Variants in USP28 observed in about 807,000 individuals in gnomAD.
The protein encoded by USP28 is ubiquitin specific peptidase 28.
A neutral mutation model predicts 145.0 loss-of-function variants in USP28; 113 were observed. The observed-to-expected ratio is 0.78, with a 90% CI of 0.67 to 0.91. The LOEUF is 0.91. USP28 is among the 40% of genes least tolerant of loss of function. The probability of loss-of-function intolerance (pLI) is 0.00; values close to 1 mark genes in which losing one functional copy is unlikely to be tolerated. For missense variants in USP28, 1,201 were observed against 1,289.6 expected (o/e 0.93, Z 1.05); for synonymous variants, 447 against 450.9 (o/e 0.99, Z 0.11).
At chr11:113,840,411 A>C in intron 5 of USP28, among the ~76,000 whole-genome samples, 187 bp downstream of exon 5, 1 of 152,226 alleles carries the variant, frequency 6.6e-6, no homozygotes, top group East Asian at 1.9e-4. Flanking sequence ...CAACCACAGC[A>C]GATTTCTTTT....
intron 1 of USP28, among the ~76,000 whole-genome samples, chr11:113,854,729 C>T (rs536944816): frequency 6.6e-6 from 1 of 152,258 alleles, no homozygotes; most frequent in East Asian, 1.9e-4. Context: ...AAAGAACCAA[C>T]AAGCTCCAAG....
intron 13 of USP28, among the ~76,000 whole-genome samples, chr11:113,816,444 C>A (rs1490954813): frequency 6.6e-6 from 1 of 152,032 alleles, no homozygotes; most frequent in Non-Finnish European, 1.5e-5. Flanking sequence ...ACCCAGAAGG[C>A]GGAGGTTGCA....
chr11:113,812,206 A>G, intron 16 of USP28, 70 bp downstream of exon 16: 1 of 1,189,058 alleles, frequency 8.4e-7, no homozygotes, highest in South Asian at 1.3e-5. Context: ...AAAAAGCAGT[A>G]CAAGACTGTT....
intron 19 of USP28, among the ~76,000 whole-genome samples, chr11:113,805,825 T>A (rs186438805): frequency 1.3e-5 from 2 of 152,174 alleles, no homozygotes; most frequent in Non-Finnish European, 2.9e-5. Flanking sequence ...TCACAGAGAA[T>A]GTTACTGCTA....
intron 14 of USP28, 77 bp downstream of exon 14, chr11:113,815,097 T>C: frequency 1.6e-6 from 2 of 1,264,884 alleles, no homozygotes; most frequent in South Asian, 1.3e-5. Flanking sequence ...TCAGGAAGTG[T>C]ACCGAGGTGC....
intron 1 of USP28, among the ~76,000 whole-genome samples, chr11:113,861,062 T>G (rs985084339): frequency 6.7e-6 from 1 of 149,422 alleles, no homozygotes; most frequent in South Asian, 2.1e-4. Flanking sequence ...GAGGTTGCAG[T>G]GAGCCAAGAT....
At chr11:113,846,029 G>A (rs1945808477) in intron 3 of USP28, among the ~76,000 whole-genome samples, 1 of 152,136 alleles carries the variant, frequency 6.6e-6, no homozygotes, top group Non-Finnish European at 1.5e-5. Context: ...ACCTTAAAAA[G>A]CAAAGAAATT....
At chr11:113,815,081 G>T in intron 14 of USP28, 93 bp downstream of exon 14, 1 of 1,099,314 alleles carries the variant, frequency 9.1e-7, no homozygotes, top group East Asian at 2.5e-5. Flanking sequence ...AGCATGTACA[G>T]TAATGTCAGG....
chr11:113,871,916 T>C lies in USP28; in HGVS notation c.57+3529A>G, dbSNP rs527786578. ...TAGGACCAGGGGCGCCTTGGGCTCT[T>C]GGGGTCAGAACTGCCTAGATACAAT... On this transcript the variant is annotated intron_variant, in intron 1 of 24. Transcript: ENST00000003302. Among the ~76,000 whole-genome samples the C allele has an allele frequency of 5.3e-5, 8 of 152,254 alleles. No individual in the cohort carries two copies. The South Asian group carries it at 1.7e-3, about 32-fold the overall frequency.
chr11:113,862,138 G>A (rs1947759936), intron 1 of USP28, among the ~76,000 whole-genome samples: 1 of 152,148 alleles, frequency 6.6e-6, no homozygotes, highest in Admixed American at 6.5e-5. Context: ...CCTGAGGTCA[G>A]GAGTTCAAGA....
chr11:113,869,200 A>G (rs1359981163), intron 1 of USP28, among the ~76,000 whole-genome samples: 1 of 152,198 alleles, frequency 6.6e-6, no homozygotes, highest in Admixed American at 6.5e-5. Context: ...TGGGAGGCCA[A>G]GGCAGACGGA....
chr11:113,806,533 G>A (rs144851669), exon 19 of USP28: 29 of 1,607,250 alleles, frequency 1.8e-5, no homozygotes, highest in South Asian at 1.0e-4. Context: ...AAGGTCTGAC[G>A]GGCTTTAGCT....
chr11:113,864,651 C>T (rs1161610121), intron 1 of USP28, among the ~76,000 whole-genome samples: 1 of 152,182 alleles, frequency 6.6e-6, no homozygotes, highest in Non-Finnish European at 1.5e-5. Context: ...TCCTCTTACT[C>T]AGCATTTTTG....
intron 18 of USP28, chr11:113,808,109 T>C: frequency 6.7e-7 from 1 of 1,488,706 alleles, no homozygotes; most frequent in Non-Finnish European, 8.9e-7. Context: ...TCCTGGGGCA[T>C]GGGCTTCTTG....
intron 3 of USP28, among the ~76,000 whole-genome samples, chr11:113,848,488 G>A (rs1946121203): frequency 6.6e-6 from 1 of 152,208 alleles, no homozygotes; most frequent in Admixed American, 6.5e-5. Flanking sequence ...GGGTCAGGGT[G>A]TGGAGTAGAA....
chr11:113,845,706 C>T (rs1945757322), intron 3 of USP28, among the ~76,000 whole-genome samples: 1 of 152,100 alleles, frequency 6.6e-6, no homozygotes, highest in Admixed American at 6.5e-5. Flanking sequence ...TCCCAGGTAG[C>T]TGGGACTACA....
intron 3 of USP28, among the ~76,000 whole-genome samples, chr11:113,849,231 T>G (rs961974344): frequency 1.3e-5 from 2 of 152,176 alleles, no homozygotes; most frequent in Admixed American, 6.5e-5. Flanking sequence ...TGGAATTGTG[T>G]GAGGAACTGC....
chr11:113,861,143 C>T (rs1162853907), intron 1 of USP28, among the ~76,000 whole-genome samples: 2 of 151,196 alleles, frequency 1.3e-5, no homozygotes, highest in Admixed American at 1.3e-4. Flanking sequence ...AAAAAAACCA[C>T]CTCTGTCTGG....
chr11:113,833,256 TTC>T (rs1259667314), intron 7 of USP28, among the ~76,000 whole-genome samples, 162 bp downstream of exon 7: 1 of 152,146 alleles, frequency 6.6e-6, no homozygotes, highest in Non-Finnish European at 1.5e-5. Flanking sequence ...CACACATGCT[TTC>T]TCTCTCACCA....
Sources: gnomAD v4.1 joint callset for allele counts (sites outside exome capture counted in the v4.1 genomes callset) on GRCh38, gnomAD v4.1.1 for gene constraint, MANE v1.5 for transcripts, NCBI Gene and HGNC (gene_info 2026-07-23, HGNC 2026-07-21) for gene names.